The following GOLPH3L variants were observed in gnomAD, a reference collection of about 807,000 sequenced individuals.
The protein encoded by GOLPH3L is Golgi phosphoprotein 3-like.
Under a neutral mutation model 30.3 loss-of-function variants are expected in GOLPH3L, and 22 were observed. The observed-to-expected ratio is 0.73, with a 90% CI of 0.52 to 1.04. The LOEUF is 1.04. Among genes scored for constraint, GOLPH3L ranks in the 50% least tolerant of loss-of-function variants. The pLI is 0.00. For missense variants in GOLPH3L, 303 were observed against 345.8 expected, an observed-to-expected ratio of 0.88 and a Z score of 0.98; for synonymous variants, 120 against 128.2, an observed-to-expected ratio of 0.94 and a Z score of 0.43.
rs41266927 is a variant in GOLPH3L at position 150,663,841 on chromosome 1, C to G, written c.184-78G>C. On this transcript the variant is annotated intron_variant, in intron 2 of 4. Coordinates refer to ENST00000271732, the MANE Select transcript of GOLPH3L (RefSeq NM_018178.6). Reference sequence around the variant, plus strand: ...TCCAGCAGGCACCCTAAGAACAGGCCGCTTTGTTGTGATTCGTTTCACATC... The same window carrying G: ...TCCAGCAGGCACCCTAAGAACAGGCGGCTTTGTTGTGATTCGTTTCACATC... The G allele has an allele frequency of 1.1e-4, 137 of 1,239,244 alleles. No individual in the cohort carries two copies. The South Asian group carries it at 1.6e-3, about 14-fold the overall frequency. The allele number at this position is 1,239,244 out of a possible 1,614,324, so 76.8% of individuals were successfully genotyped here. A position where few individuals can be genotyped will look rare whatever the true frequency, so the allele number is the denominator to read the frequency against.
chr1:150,648,081 G>T lies in GOLPH3L; in HGVS notation c.*240C>A. ...CACCAAATGGGAGAAAATGTTCATT[G>T]GGTGTGTGTGGCTTCACCCAGTTTA... On this transcript the variant is annotated 3_prime_UTR_variant, in exon 5 of 5. Transcript: ENST00000271732. 1 of 411,524 alleles carries T rather than the reference G, an allele frequency of 2.4e-6. No homozygotes were observed. The highest frequency in any genetic ancestry group is 4.3e-6 in the Non-Finnish European group (1 of 232,512). 25.5% of individuals were successfully genotyped at this position (411,524 alleles called of 1,614,324 possible). A position where few individuals can be genotyped will look rare whatever the true frequency, so the allele number is the denominator to read the frequency against.
In GOLPH3L at chr1:150,646,717, G is replaced by C. The variant is rs1649984994; in HGVS notation, c.*1604C>G. 1 of 152,182 alleles carries C rather than the reference G, an allele frequency of 6.6e-6. No homozygotes were observed. The highest frequency in any genetic ancestry group is 2.4e-5 in the African/African-American group (1 of 41,434). 9.4% of individuals were successfully genotyped at this position (152,182 alleles called of 1,614,324 possible). ...AATTCATTTAATTATTTCTAATCAA[G>C]AGGATTTAATGTCAGGTCTGGGTCA... On this transcript the variant is annotated 3_prime_UTR_variant, in exon 5 of 5. Coordinates refer to ENST00000271732, the MANE Select transcript of GOLPH3L (RefSeq NM_018178.6).
intron 4 of GOLPH3L, among the ~76,000 whole-genome samples, chr1:150,649,907 A>C (rs958624239): frequency 6.6e-6 from 1 of 152,032 alleles, no homozygotes; most frequent in East Asian, 1.9e-4. Context: ...TAGGCAGGAA[A>C]ACCCAGGAGG....
Position 150,648,224 on chromosome 1 carries a change from C to A in GOLPH3L, c.*97G>T. ...ACAAGTCTGATTCAAGAAAAGGAAACAAAAATGATGAAAACATCTCATCAC... is the reference window on the plus strand; with the variant it reads ...ACAAGTCTGATTCAAGAAAAGGAAAAAAAAATGATGAAAACATCTCATCAC... On this transcript the variant is annotated 3_prime_UTR_variant, in exon 5 of 5. Transcript: ENST00000271732. The A allele has an allele frequency of 3.4e-6, 3 of 894,382 alleles. No homozygotes were observed. Among genetic ancestry groups the A allele is most frequent in the Non-Finnish European group, 5.1e-6 (3 of 586,894 alleles). 55.4% of individuals were successfully genotyped at this position (894,382 alleles called of 1,614,324 possible).
At chr1:150,676,737 G>A (rs779824746) in intron 2 of GOLPH3L, among the ~76,000 whole-genome samples, 86 of 149,410 alleles carry the variant, frequency 5.8e-4, no homozygotes, top group Non-Finnish European at 8.4e-4. Flanking sequence ...TCCGCCTCCC[G>A]GGTTCAAGCA....
At chr1:150,651,642 C>CAAAAAAAAAAAAAAAAAAAAAAAACA (rs59940841) in intron 4 of GOLPH3L, among the ~76,000 whole-genome samples, 11 of 60,852 alleles carry the variant, frequency 1.8e-4, no homozygotes, top group East Asian at 4.6e-4. Flanking sequence ...GAGCGAAACT[C>CAAAAAAAAAAAAAAAAAAAAAAAACA]AAAAAAAAAA....
At chr1:150,665,282 G>T (rs1307407625) in intron 2 of GOLPH3L, among the ~76,000 whole-genome samples, 1 of 151,946 alleles carries the variant, frequency 6.6e-6, no homozygotes, top group East Asian at 1.9e-4. Flanking sequence ...TGTTTTTTTG[G>T]TGGTGTTTTA....
intron 2 of GOLPH3L, among the ~76,000 whole-genome samples, chr1:150,682,750 A>T (rs1173476077): frequency 6.6e-6 from 1 of 151,926 alleles, no homozygotes; most frequent in Non-Finnish European, 1.5e-5. Flanking sequence ...ATCTTAGACA[A>T]ATTTTAAAAA....
Position 150,648,066 on chromosome 1 carries a change from G to A in GOLPH3L, c.*255C>T, listed in dbSNP as rs925397026. ...TGGGTGAAACTAAACCACCAAATGG[G>A]AGAAAATGTTCATTGGGTGTGTGTG... On this transcript the variant is annotated 3_prime_UTR_variant, in exon 5 of 5. Transcript: ENST00000271732. 8 of 386,264 alleles carry A rather than the reference G, an allele frequency of 2.1e-5. No individual in the cohort carries two copies. Among genetic ancestry groups the A allele is most frequent in the African/African-American group, 1.6e-4 (8 of 48,674 alleles). The allele number at this position is 386,264 out of a possible 1,614,324, so 23.9% of individuals were successfully genotyped here.
chr1:150,692,268 T>A (rs1651231309), intron 2 of GOLPH3L, among the ~76,000 whole-genome samples: 1 of 152,236 alleles, frequency 6.6e-6, no homozygotes, highest in African/African-American at 2.4e-5. Context: ...ACCTCTTCTA[T>A]TCATTTACAC....
At chr1:150,676,947 C>T (rs780354669) in intron 2 of GOLPH3L, among the ~76,000 whole-genome samples, 80 of 150,168 alleles carry the variant, frequency 5.3e-4, no homozygotes, top group Non-Finnish European at 9.5e-4. Context: ...GCCCAGCCTA[C>T]ATGTGTAATT....
chr1:150,676,397 C>T (rs1387762335), intron 2 of GOLPH3L, among the ~76,000 whole-genome samples: 1 of 151,754 alleles, frequency 6.6e-6, no homozygotes, highest in Non-Finnish European at 1.5e-5. Flanking sequence ...CAGATTATTT[C>T]TGTACAAATT....
At chr1:150,690,644 G>A (rs1428605191) in intron 2 of GOLPH3L, among the ~76,000 whole-genome samples, 1 of 152,096 alleles carries the variant, frequency 6.6e-6, no homozygotes, top group Non-Finnish European at 1.5e-5. Flanking sequence ...GAATCCCATT[G>A]TTCTCCACCT....
At chr1:150,673,872 C>A (rs995176779) in intron 2 of GOLPH3L, among the ~76,000 whole-genome samples, 1 of 149,696 alleles carries the variant, frequency 6.7e-6, no homozygotes, top group Non-Finnish European at 1.5e-5. Context: ...TTGCAGTGAG[C>A]CGAGATTGTA....
chr1:150,661,860 T>G lies in GOLPH3L; in HGVS notation c.384A>C (p.Ala128=). 1 of 1,597,986 alleles carries G rather than the reference T, an allele frequency of 6.3e-7. No homozygotes were observed. The highest frequency in any genetic ancestry group is 8.6e-7 in the Non-Finnish European group (1 of 1,165,250). ...TTTGGACAGTTTCTGTGGGTTCAGTTGCTTTGATGTGTTTCAGAGTTTCAT... is the reference window on the plus strand; with the variant it reads ...TTTGGACAGTTTCTGTGGGTTCAGTGGCTTTGATGTGTTTCAGAGTTTCAT... The part of the protein sequence containing the change: ...LLDETLKHIK[A]TEPTETVQTW... The change falls in exon 4 of 5, where the codon GCA becomes GCC. Residue 128 remains alanine (A), a synonymous_variant. Coordinates refer to ENST00000271732, the MANE Select transcript of GOLPH3L (RefSeq NM_018178.6).
intron 2 of GOLPH3L, among the ~76,000 whole-genome samples, chr1:150,687,898 C>T (rs587761842): frequency 1.3e-5 from 2 of 152,216 alleles, no homozygotes; most frequent in East Asian, 3.9e-4. Context: ...GTGGTATATT[C>T]ATGTAATGAA....
chr1:150,682,614 A>G (rs1288109828), intron 2 of GOLPH3L, among the ~76,000 whole-genome samples: 1 of 114,606 alleles, frequency 8.7e-6, no homozygotes, highest in African/African-American at 3.6e-5. Flanking sequence ...TTGGTGACAG[A>G]CTCTTTCTCA....
intron 2 of GOLPH3L, among the ~76,000 whole-genome samples, chr1:150,693,797 A>ATGTGTGTGTGTGTGTGTGTGTGTGTGTG (rs796936730): frequency 2.0e-4 from 12 of 60,964 alleles, no homozygotes; most frequent in African/African-American, 9.6e-4. Flanking sequence ...TTGTTTATGT[A>ATGTGTGTGTGTGTGTGTGTGTGTGTGTG]TGTGTGTGTG....
intron 2 of GOLPH3L, among the ~76,000 whole-genome samples, chr1:150,680,067 C>T (rs1232498675): frequency 1.3e-5 from 2 of 152,054 alleles, no homozygotes; most frequent in Non-Finnish European, 2.9e-5. Context: ...GCAGAGGGAA[C>T]AAAATCCAGA....
Sources: allele counts gnomAD v4.1 joint callset (sites outside exome capture counted in the v4.1 genomes callset), GRCh38; gene constraint gnomAD v4.1.1; transcripts MANE v1.5; gene names NCBI Gene and HGNC (gene_info 2026-07-23, HGNC 2026-07-21).